The following TM9SF3 variants were observed in gnomAD, a reference collection of about 807,000 sequenced individuals.
The protein encoded by TM9SF3 is SM-11044-binding protein.
In TM9SF3, 14 loss-of-function variants were observed where a neutral mutation model predicts 78.6. The observed-to-expected ratio is 0.18, with a 90% CI of 0.12 to 0.28. The LOEUF is 0.28. TM9SF3 is among the 10% of genes least tolerant of loss of function. The pLI is 1.00. For missense variants in TM9SF3, 496 were observed against 721.9 expected, an observed-to-expected ratio of 0.69 and a Z score of 3.59; for synonymous variants, 231 against 241.7, an observed-to-expected ratio of 0.96 and a Z score of 0.41.
chr10:96,525,197 GAAC>G (rs1190141631), intron 14 of TM9SF3, among the ~76,000 whole-genome samples: 6 of 151,948 alleles, frequency 3.9e-5, no homozygotes, highest in African/African-American at 1.4e-4. Context: ...GGAGTCCAGT[GAAC>G]AATACTCTGA....
At chr10:96,565,512 T>C in intron 2 of TM9SF3, 86 bp from the exon 3 acceptor site, 1 of 1,423,786 alleles carries the variant, frequency 7.0e-7, no homozygotes, top group Admixed American at 2.8e-5. Context: ...AAAGCCAACA[T>C]TTCCTACAGT....
chr10:96,570,069 C>T (rs1298670725), intron 2 of TM9SF3, among the ~76,000 whole-genome samples: 1 of 152,150 alleles, frequency 6.6e-6, no homozygotes, highest in Non-Finnish European at 1.5e-5. Flanking sequence ...ATCCAAGTTA[C>T]AGAATAGTAT....
In TM9SF3 at chr10:96,565,686, G is replaced by A. The variant is rs186721218; in HGVS notation, c.299-260C>T. 2.0e-3 allele frequency among the ~76,000 whole-genome samples: 306 copies of A among 151,550 alleles called. 1 individual carries two copies. The highest frequency in any genetic ancestry group is 6.2e-3 in the African/African-American group (256 of 41,338). On this transcript the variant is annotated intron_variant, in intron 2 of 14. Coordinates refer to ENST00000371142, the MANE Select transcript of TM9SF3 (RefSeq NM_020123.4). The stretch of plus-strand genomic sequence containing the variant: ...TAAGTGAAATCATCCCTTATACAAA[G>A]CAAATTATACAAGAAAATTTATAAA...
At chr10:96,551,172 A>C (rs1418549577) in intron 7 of TM9SF3, 73 bp downstream of exon 7, 4 of 1,225,864 alleles carry the variant, frequency 3.3e-6, no homozygotes, top group African/African-American at 3.1e-5. Flanking sequence ...ATTATGATTG[A>C]CTTAAAAGAT....
At chr10:96,540,563 T>C (rs573088600) in intron 9 of TM9SF3, among the ~76,000 whole-genome samples, 3 of 152,104 alleles carry the variant, frequency 2.0e-5, no homozygotes, top group East Asian at 3.9e-4. Context: ...TTTTTGTTTA[T>C]GGGTTATATT....
At chr10:96,550,134 A>G (rs1848150019) in intron 7 of TM9SF3, among the ~76,000 whole-genome samples, 1 of 152,234 alleles carries the variant, frequency 6.6e-6, no homozygotes. Flanking sequence ...TAAATGAATT[A>G]GAAAGGTTAT....
intron 1 of TM9SF3, among the ~76,000 whole-genome samples, chr10:96,580,091 C>T (rs1296415114): frequency 6.6e-6 from 1 of 152,192 alleles, no homozygotes; most frequent in Admixed American, 6.5e-5. Flanking sequence ...TAATCCCTTT[C>T]ATCTGAGGCT....
chr10:96,548,779 C>T (rs1346506031), intron 7 of TM9SF3, among the ~76,000 whole-genome samples: 1 of 92,130 alleles, frequency 1.1e-5, no homozygotes, highest in Non-Finnish European at 2.0e-5. Context: ...GCCTGGATGT[C>T]AAAGCAAGAC....
intron 5 of TM9SF3, among the ~76,000 whole-genome samples, chr10:96,556,048 A>C (rs1848230523): frequency 6.6e-6 from 1 of 152,190 alleles, no homozygotes; most frequent in South Asian, 2.1e-4. Flanking sequence ...ATGTAGTAAT[A>C]ACCTGAAATT....
chr10:96,542,050 T>C (rs1049266574), intron 9 of TM9SF3, among the ~76,000 whole-genome samples: 1 of 152,170 alleles, frequency 6.6e-6, no homozygotes, highest in Non-Finnish European at 1.5e-5. Flanking sequence ...GTGCCCAGGG[T>C]TGAGAATCAC....
rs1259531916 is a variant in TM9SF3 at position 96,518,710 on chromosome 10, TAA to T, written c.*3551_*3552del. On this transcript the variant is annotated 3_prime_UTR_variant, in exon 15 of 15. Transcript: ENST00000371142. The stretch of plus-strand genomic sequence containing the variant: ...CTAGAGTTATTCCTCACACTGAATT[TAA>T]GTCTTACCAGATTTCTGCAGGTTCA... The T allele has an allele frequency of 6.6e-6, 1 of 152,152 alleles. No homozygotes were observed. 9.4% of individuals were successfully genotyped at this position (152,152 alleles called of 1,614,324 possible).
chr10:96,562,594 T>C (rs1451975351), intron 3 of TM9SF3, among the ~76,000 whole-genome samples: 1 of 152,160 alleles, frequency 6.6e-6, no homozygotes, highest in Non-Finnish European at 1.5e-5. Context: ...GATCTACCCA[T>C]TCCCAGTAAG....
intron 14 of TM9SF3, among the ~76,000 whole-genome samples, chr10:96,524,144 C>A (rs1292474219): frequency 6.6e-6 from 1 of 151,610 alleles, no homozygotes; most frequent in African/African-American, 2.4e-5. Context: ...ATAGTATTGT[C>A]CCTATTTTTG....
In TM9SF3 at chr10:96,572,691, G is replaced by A. The variant is rs562084999; in HGVS notation, c.298+3943C>T. ...ACAAGCGCCCACCACCGTGCCCGGC[G>A]AATTTTTTTTGTATTTTTAGTAGAG... On this transcript the variant is annotated intron_variant, in intron 2 of 14. Coordinates refer to ENST00000371142, the MANE Select transcript of TM9SF3 (RefSeq NM_020123.4). Among the ~76,000 whole-genome samples, 6 of 151,620 alleles carry A rather than the reference G, an allele frequency of 4.0e-5. No homozygotes were observed. The South Asian group carries it at 6.3e-4, about 16-fold the overall frequency.
At chr10:96,527,574 T>G in intron 12 of TM9SF3, 78 bp from the exon 13 acceptor site, 1 of 1,161,512 alleles carries the variant, frequency 8.6e-7, no homozygotes, top group Non-Finnish European at 1.2e-6. Flanking sequence ...AGCAAAGAAT[T>G]TAATAAAACA....
intron 1 of TM9SF3, among the ~76,000 whole-genome samples, chr10:96,580,492 T>C (rs1333812939): frequency 1.3e-5 from 2 of 152,120 alleles, no homozygotes; most frequent in African/African-American, 4.8e-5. Context: ...GGTCTCGATC[T>C]CCTGACCTCG....
At chr10:96,559,906 A>G (rs1032093793) in intron 4 of TM9SF3, among the ~76,000 whole-genome samples, 170 bp from the exon 5 acceptor site, 1 of 152,224 alleles carries the variant, frequency 6.6e-6, no homozygotes. Context: ...TGATAAAACT[A>G]ATCAACTTTT....
intron 5 of TM9SF3, among the ~76,000 whole-genome samples, chr10:96,558,367 C>T (rs111900939): frequency 6.6e-6 from 1 of 152,010 alleles, no homozygotes; most frequent in Admixed American, 6.6e-5. Flanking sequence ...CCAGGCAGGG[C>T]GCGGTGGCTC....
At chr10:96,542,597 CAG>C (rs1848047757) in intron 9 of TM9SF3, among the ~76,000 whole-genome samples, 1 of 152,040 alleles carries the variant, frequency 6.6e-6, no homozygotes, top group African/African-American at 2.4e-5. Context: ...AAAATTTTAA[CAG>C]AATCAAAATT....
Sources: allele counts gnomAD v4.1 joint callset (sites outside exome capture counted in the v4.1 genomes callset), GRCh38; gene constraint gnomAD v4.1.1; transcripts MANE v1.5; gene names NCBI Gene and HGNC (gene_info 2026-07-23, HGNC 2026-07-21).